Variants in CACNA1C observed in about 807,000 individuals in gnomAD.
CACNA1C encodes calcium voltage-gated channel subunit alpha1 C, also known as voltage-dependent L-type calcium channel subunit alpha-1C.
In CACNA1C, 30 loss-of-function variants were observed where a neutral mutation model predicts 229.0. The observed-to-expected ratio is 0.13, with a 90% CI of 0.10 to 0.18. The LOEUF is 0.18. Ranked by LOEUF, CACNA1C falls within the 10% of genes least tolerant of loss-of-function variation. CACNA1C has a pLI of 1.00. For missense variants in CACNA1C, 1,658 were observed against 2,845.0 expected, an observed-to-expected ratio of 0.58 and a Z score of 9.49; for synonymous variants, 1,114 against 1,132.5, an observed-to-expected ratio of 0.98 and a Z score of 0.33.
intron 9 of CACNA1C, chr12:2,547,465 G>T (rs1183480203): frequency 2.6e-6 from 2 of 779,740 alleles, no homozygotes; most frequent in Non-Finnish European, 4.8e-6. Flanking sequence ...ACTCCGGCGG[G>T]CATGCTTGAT....
chr12:2,684,290 C>T (rs1449344424), intron 43 of CACNA1C, among the ~76,000 whole-genome samples: 2 of 152,276 alleles, frequency 1.3e-5, no homozygotes, highest in African/African-American at 4.8e-5. Context: ...CCTGTGCCTT[C>T]GTGTCCCCAT....
In CACNA1C at chr12:2,319,829, C is replaced by T. The variant is rs375431944; in HGVS notation, c.478-129147C>T. 3.2e-4 allele frequency among the ~76,000 whole-genome samples: 49 copies of T among 152,182 alleles called. No homozygotes were observed. In the South Asian group the frequency reaches 9.7e-3, roughly 30 times the overall value. The stretch of plus-strand genomic sequence containing the variant: ...CCTGAAAGAGCCTGCCAGGTATCCC[C>T]TTCTAGCAGGAGGGGCCCCCAGACA... On this transcript the variant is annotated intron_variant, in intron 3 of 46. Transcript: ENST00000399655. The surrounding 1 kb of genome is among the most constrained non-coding windows in gnomAD (Gnocchi z 4.0).
At chr12:2,544,149 A>G (rs563353496) in intron 9 of CACNA1C, among the ~76,000 whole-genome samples, 59 of 140,994 alleles carry the variant, frequency 4.2e-4, no homozygotes, top group African/African-American at 1.5e-3. Flanking sequence ...CTGAGAAGTG[A>G]AAAAAAAAAA....
intron 3 of CACNA1C, among the ~76,000 whole-genome samples, chr12:2,372,966 C>T (rs549738348): frequency 6.6e-6 from 1 of 152,372 alleles, no homozygotes; most frequent in East Asian, 1.9e-4. Context: ...CTCCTTGACT[C>T]ACCATCCAAA....
At chr12:2,278,342 G>A (rs1328006334) in intron 3 of CACNA1C, among the ~76,000 whole-genome samples, 1 of 152,174 alleles carries the variant, frequency 6.6e-6, no homozygotes, top group Non-Finnish European at 1.5e-5. Flanking sequence ...GACCATCAGT[G>A]CAATCAAGAG....
intron 3 of CACNA1C, among the ~76,000 whole-genome samples, chr12:2,342,939 A>G (rs954599350): frequency 2.6e-5 from 4 of 152,234 alleles, no homozygotes; most frequent in Non-Finnish European, 5.9e-5. Context: ...AGCAGTTTTC[A>G]TGTGCATTAT....
intron 3 of CACNA1C, among the ~76,000 whole-genome samples, chr12:2,297,583 T>C (rs1311637057): frequency 6.6e-6 from 1 of 152,208 alleles, no homozygotes; most frequent in Non-Finnish European, 1.5e-5. Flanking sequence ...GGTGTGTATT[T>C]TCCCCACCAC....
chr12:2,126,454 C>T (rs1341427909), intron 3 of CACNA1C, among the ~76,000 whole-genome samples: 1 of 152,226 alleles, frequency 6.6e-6, no homozygotes, highest in Admixed American at 6.5e-5. Context: ...GTGTGGAAAA[C>T]TTCCTGTCCT....
At position 2,014,678 on chromosome 12, in the gene CACNA1C, G is replaced by A. The variant is rs140858420; in HGVS notation, c.139+43477G>A. Among the ~76,000 whole-genome samples the A allele has an allele frequency of 3.9e-4, 60 of 152,326 alleles. 1 individual carries two copies. Among genetic ancestry groups the A allele is most frequent in the East Asian group, 7.7e-4 (4 of 5,178 alleles). Reference sequence around the variant, plus strand: ...CTTTACATGAATTGCCAAGTGTATCGACCTGAAGACACTGTACCTCCTGTC... The same window carrying A: ...CTTTACATGAATTGCCAAGTGTATCAACCTGAAGACACTGTACCTCCTGTC... On this transcript the variant is annotated intron_variant, in intron 1 of 46. Coordinates refer to the CACNA1C transcript ENST00000682462.
At chr12:2,522,852 C>T (rs2099812572) in intron 9 of CACNA1C, among the ~76,000 whole-genome samples, 1 of 152,104 alleles carries the variant, frequency 6.6e-6, no homozygotes, top group Non-Finnish European at 1.5e-5. Context: ...GTATTGTTTG[C>T]CCCATTTTGC....
chr12:2,585,403 G>T lies in CACNA1C; in HGVS notation c.2367G>T (p.Glu789Asp), dbSNP rs1440425966. ...CTGCCAGCCCAGAGAAGAAACAAGAGTTGGTGGAGAAGCCGGCAGTGGGGG... is the reference window on the plus strand; with the variant it reads ...CTGCCAGCCCAGAGAAGAAACAAGATTTGGTGGAGAAGCCGGCAGTGGGGG... ...ARTASPEKKQ[E>D]LVEKPAVGES... The change falls in exon 17 of 47, where the codon GAG (glutamate) becomes GAT (aspartate). Residue 789 changes from glutamate (E) to aspartate (D), a missense_variant. This residue lies in a region of CACNA1C where 121 missense variants were observed against 128.8 expected (regional missense o/e 0.94). Coordinates refer to ENST00000399655, the MANE Select transcript of CACNA1C (RefSeq NM_000719.7). This position sits in a 1 kb window ranked among gnomAD's most constrained non-coding sequence, Gnocchi z 4.1. 1 of 1,612,672 alleles carries T rather than the reference G, an allele frequency of 6.2e-7. No homozygotes were observed. The highest frequency in any genetic ancestry group is 2.2e-5 in the East Asian group (1 of 44,852).
chr12:2,458,763 C>T (rs2154565153), intron 5 of CACNA1C, among the ~76,000 whole-genome samples: 2 of 152,174 alleles, frequency 1.3e-5, no homozygotes, highest in South Asian at 2.1e-4. Flanking sequence ...GTCATGAAAC[C>T]GTGGAAATGT....
At chr12:2,569,525 T>C (rs1209235494) in intron 13 of CACNA1C, among the ~76,000 whole-genome samples, 1 of 152,218 alleles carries the variant, frequency 6.6e-6, no homozygotes, top group African/African-American at 2.4e-5. Context: ...TTTTGGACCA[T>C]TCATGTGAGT....
intron 1 of CACNA1C, among the ~76,000 whole-genome samples, chr12:2,058,728 G>A (rs1318966235): frequency 6.6e-6 from 1 of 152,206 alleles, no homozygotes; most frequent in African/African-American, 2.4e-5. Context: ...AGGATCCCTC[G>A]GGGAAAATGG....
intron 1 of CACNA1C, among the ~76,000 whole-genome samples, chr12:1,985,320 C>T (rs966571507): frequency 2.0e-5 from 3 of 152,136 alleles, no homozygotes; most frequent in South Asian, 2.1e-4. Context: ...GCTCTATATT[C>T]TTCAGGTTTG....
rs1277970071 is a variant in CACNA1C at position 2,285,008 on chromosome 12, G to C, written c.478-163968G>C. ...GATGCCCTTCAGTGAGCGGGGCCTG[G>C]GGTAGGGCCGTTCTGCAGATCCTGG... On this transcript the variant is annotated intron_variant, in intron 3 of 46. Coordinates refer to ENST00000399655, the MANE Select transcript of CACNA1C (RefSeq NM_000719.7). The surrounding 1 kb of genome is among the most constrained non-coding windows in gnomAD (Gnocchi z 4.2). Among the ~76,000 whole-genome samples, 1 of 152,202 alleles carries C rather than the reference G, an allele frequency of 6.6e-6. No homozygotes were observed. The highest frequency in any genetic ancestry group is 1.5e-5 in the Non-Finnish European group (1 of 68,024).
At chr12:2,335,603 G>C (rs1228905569) in intron 3 of CACNA1C, among the ~76,000 whole-genome samples, 1 of 152,130 alleles carries the variant, frequency 6.6e-6, no homozygotes, top group African/African-American at 2.4e-5. Flanking sequence ...TCTTTCACAT[G>C]TGTCTACTCC....
chr12:2,110,036 A>G (rs2081033824), intron 1 of CACNA1C, among the ~76,000 whole-genome samples: 1 of 152,168 alleles, frequency 6.6e-6, no homozygotes, highest in Non-Finnish European at 1.5e-5. Context: ...AGGTGCAGAA[A>G]TAGAGATGGA....
rs1465408948 is a variant in CACNA1C at position 2,679,324 on chromosome 12, C to A, written c.5092-120C>A. The A allele has an allele frequency of 1.4e-6, 1 of 721,006 alleles. No individual in the cohort carries two copies. The highest frequency in any genetic ancestry group is 2.7e-5 in the East Asian group (1 of 36,784). 44.7% of individuals were successfully genotyped at this position (721,006 alleles called of 1,614,324 possible). A position where few individuals can be genotyped will look rare whatever the true frequency, so the allele number is the denominator to read the frequency against. On this transcript the variant is annotated intron_variant, in intron 41 of 46. Coordinates refer to ENST00000399655, the MANE Select transcript of CACNA1C (RefSeq NM_000719.7). The surrounding 1 kb of genome is among the most constrained non-coding windows in gnomAD (Gnocchi z 5.5). Reference sequence around the variant, plus strand: ...GGCTCCCAGCAGGGCTGTGCCTACCCGAAAGAAGGCAGCCCGCCTTCCCAG... The same window carrying A: ...GGCTCCCAGCAGGGCTGTGCCTACCAGAAAGAAGGCAGCCCGCCTTCCCAG...
Sources: allele counts gnomAD v4.1 joint callset (sites outside exome capture counted in the v4.1 genomes callset), GRCh38; gene constraint gnomAD v4.1.1; regional missense constraint gnomAD v4.1.1; non-coding constraint Gnocchi (gnomAD v3.1); transcripts MANE v1.5; gene names NCBI Gene and HGNC (gene_info 2026-07-23, HGNC 2026-07-21).